HAPLN3: variants seen among roughly 807,000 people sequenced by gnomAD.
The protein encoded by HAPLN3 is hyaluronan and proteoglycan link protein 3.
A neutral mutation model predicts 28.1 loss-of-function variants in HAPLN3; 28 were observed. That is an observed-to-expected ratio of 1.00 (90% CI 0.74 to 1.37). The LOEUF is 1.37. HAPLN3 is among the 40% of genes most tolerant of loss of function. The pLI is 0.00. For missense variants in HAPLN3, 513 were observed against 504.6 expected, an observed-to-expected ratio of 1.02 and a Z score of -0.16; for synonymous variants, 211 against 213.1, an observed-to-expected ratio of 0.99 and a Z score of 0.09.
rs1596161454 is a variant in HAPLN3, at chr15:88,877,513, T to G, written c.*457A>C. 1 of 154,952 alleles carries G rather than the reference T, an allele frequency of 6.5e-6. No homozygotes were observed. The highest frequency in any genetic ancestry group is 1.4e-5 in the Non-Finnish European group (1 of 70,038). 9.6% of individuals were successfully genotyped at this position (154,952 alleles called of 1,614,324 possible). A position where few individuals can be genotyped will look rare whatever the true frequency, so the allele number is the denominator to read the frequency against. On this transcript the variant is annotated 3_prime_UTR_variant, in exon 5 of 5. Transcript: ENST00000359595. The surrounding 1 kb of genome is among the most constrained non-coding windows in gnomAD (Gnocchi z 5.1). ...TAGCCCCTCAGTGGGCAGACTGGGG[T>G]CAGCGGCTTCACAGAGAAGTAGAGG...
chr15:88,887,877 C>T (rs1038123855), intron 1 of HAPLN3, among the ~76,000 whole-genome samples: 8 of 151,874 alleles, frequency 5.3e-5, no homozygotes, highest in African/African-American at 1.2e-4. Context: ...GCAGGAGAAT[C>T]GCTTGAACCC....
At position 88,881,495 on chromosome 15, in the gene HAPLN3, C is replaced by G; in HGVS notation, c.355G>C (p.Val119Leu). Residue 119 changes from valine to leucine, a missense_variant, in exon 3 of 5, where the codon GTG becomes CTG. Val to Leu is a conservative substitution (Grantham distance 32). Coordinates refer to ENST00000359595, the MANE Select transcript of HAPLN3 (RefSeq NM_178232.4). This position sits in a 1 kb window ranked among gnomAD's most constrained non-coding sequence, Gnocchi z 6.0. ...HRSFGDYQGR[V>L]HLRQDKEHDV... ...TGCTCTTTGTCCTGCCGCAGGTGCA[C>G]GCGGCCTTGGTAGTCCCCAAAGGAG... The G allele has an allele frequency of 6.2e-7, 1 of 1,614,098 alleles. No homozygotes were observed. The highest frequency in any genetic ancestry group is 8.5e-7 in the Non-Finnish European group (1 of 1,180,046).
intron 1 of HAPLN3, among the ~76,000 whole-genome samples, chr15:88,889,322 C>A (rs563549629): frequency 1.3e-5 from 2 of 151,818 alleles, no homozygotes; most frequent in African/African-American, 4.8e-5. Flanking sequence ...GGGTGTCAGG[C>A]CCAGAAGCAT....
rs556487389 is a variant in HAPLN3, at chr15:88,878,345, C to T, written c.797-89G>A. 227 of 1,243,244 alleles carry T rather than the reference C, an allele frequency of 1.8e-4. 2 individuals carry two copies. In the Middle Eastern group the frequency reaches 2.0e-3, roughly 11 times the overall value. 77.0% of individuals were successfully genotyped at this position (1,243,244 alleles called of 1,614,324 possible). ...TGCAGAGATGCCAGCCCCAAAGACC[C>T]GTCTGAGCCCAGGGAGCTACCATAC... On this transcript the variant is annotated intron_variant, in intron 4 of 4. Coordinates refer to ENST00000359595, the MANE Select transcript of HAPLN3 (RefSeq NM_178232.4).
At chr15:88,894,379 G>GC (rs753690535) in intron 1 of HAPLN3, among the ~76,000 whole-genome samples, 18 of 152,074 alleles carry the variant, frequency 1.2e-4, no homozygotes. Context: ...GAGGGTAGGT[G>GC]CCACCTCCCT....
chr15:88,893,096 T>C, intron 1 of HAPLN3: 1 of 843,964 alleles, frequency 1.2e-6, no homozygotes, highest in Non-Finnish European at 1.9e-6. Flanking sequence ...CACCTCTCTG[T>C]GCCTCCATTT....
rs772959535 is a variant in HAPLN3 at position 88,878,272 on chromosome 15, C to A, written c.797-16G>T. 6.2e-7 allele frequency: 1 copy of A among 1,601,418 alleles called. No homozygotes were observed. The highest frequency in any genetic ancestry group is 8.5e-7 in the Non-Finnish European group (1 of 1,173,434). ...TACACCCGCCCTGGGGGAAAGGGGG[C>A]GTGAGTGCCGTACAGCGCAGGGGGC... On this transcript the variant is annotated splice_polypyrimidine_tract_variant and intron_variant, in intron 4 of 4. Coordinates refer to ENST00000359595, the MANE Select transcript of HAPLN3 (RefSeq NM_178232.4).
In HAPLN3 at chr15:88,879,443, TG is replaced by T; in HGVS notation, c.494-175del. ...CTCCTGTCCGTTGCCGCCTCTCTCC[TG>T]GGACTCAGCTGGTTCACAGCAGTAC... On this transcript the variant is annotated intron_variant, in intron 3 of 4. Coordinates refer to ENST00000359595, the MANE Select transcript of HAPLN3 (RefSeq NM_178232.4). The surrounding 1 kb of genome is among the most constrained non-coding windows in gnomAD (Gnocchi z 5.0). The T allele has an allele frequency of 6.5e-7, 1 of 1,534,226 alleles. No homozygotes were observed. Among genetic ancestry groups the T allele is most frequent in the Non-Finnish European group, 8.7e-7 (1 of 1,146,460 alleles).
chr15:88,883,554 T>C (rs149276032), intron 2 of HAPLN3, among the ~76,000 whole-genome samples: 1,534 of 152,392 alleles, frequency 0.01, 17 homozygotes, highest in South Asian at 0.038. Context: ...ACTTCCTTGG[T>C]TCTTCCCAAC....
rs1000681585 is a variant in HAPLN3, at chr15:88,881,941, G to T, written c.125-216C>A. Among the ~76,000 whole-genome samples the T allele has an allele frequency of 6.6e-6, 1 of 152,090 alleles. No homozygotes were observed. The highest frequency in any genetic ancestry group is 1.5e-5 in the Non-Finnish European group (1 of 68,016). ...TATTCCCCCACCCCCTTGAATCTGT[G>T]CTGGCCTTGCCACTTGCTTGACCAA... On this transcript the variant is annotated intron_variant, in intron 2 of 4. Transcript: ENST00000359595. This position sits in a 1 kb window ranked among gnomAD's most constrained non-coding sequence, Gnocchi z 6.0.
chr15:88,891,040 G>C (rs1897998184), intron 1 of HAPLN3, among the ~76,000 whole-genome samples: 1 of 152,034 alleles, frequency 6.6e-6, no homozygotes, highest in South Asian at 2.1e-4. Context: ...ACCACACCAG[G>C]CTAATTTTTG....
rs753762574 is a variant in HAPLN3, at chr15:88,880,756, T to C, written c.493+601A>G. The C allele has an allele frequency of 3.1e-6, 1 of 326,358 alleles. No individual in the cohort carries two copies. Among genetic ancestry groups the C allele is most frequent in the Non-Finnish European group, 5.6e-6 (1 of 177,532 alleles). The allele number at this position is 326,358 out of a possible 1,614,324, so 20.2% of individuals were successfully genotyped here. On this transcript the variant is annotated intron_variant, in intron 3 of 4. Coordinates refer to ENST00000359595, the MANE Select transcript of HAPLN3 (RefSeq NM_178232.4). This position sits in a 1 kb window ranked among gnomAD's most constrained non-coding sequence, Gnocchi z 6.0. ...GCTTTTTGTTTGTTTTTTGTTTTGTTTTGTTTTTAAAAAGGAGGTTTTTAC... is the reference window on the plus strand; with the variant it reads ...GCTTTTTGTTTGTTTTTTGTTTTGTCTTGTTTTTAAAAAGGAGGTTTTTAC...
rs965742923 is a variant in HAPLN3, at chr15:88,879,172, G to C, written c.591C>G (p.Ser197=). 3 of 1,613,856 alleles carry C rather than the reference G, an allele frequency of 1.9e-6. No individual in the cohort carries two copies. The highest frequency in any genetic ancestry group is 2.2e-5 in the South Asian group (2 of 91,076). Residue 197 remains serine (S), a synonymous_variant, in exon 4 of 5, where the codon TCC becomes TCG. Transcript: ENST00000359595. This position sits in a 1 kb window ranked among gnomAD's most constrained non-coding sequence, Gnocchi z 5.0. ...VCAEQAAVVA[S]FEQLFRAWEE... is the part of the protein sequence containing the mutation. ...CCCAGGCCCGGAAGAGCTGCTCAAA[G>C]GAGGCCACCACCGCAGCCTGCTCTG... is the stretch of plus-strand genomic sequence containing the variant.
intron 1 of HAPLN3, among the ~76,000 whole-genome samples, chr15:88,887,776 C>T (rs1161108537): frequency 6.6e-6 from 1 of 151,990 alleles, no homozygotes; most frequent in African/African-American, 2.4e-5. Context: ...CCAGCCTGGC[C>T]AACATGGAGA....
rs781000203 is a variant in HAPLN3, at chr15:88,879,003, G to A, written c.760C>T (p.Arg254Cys). 1.4e-5 allele frequency: 23 copies of A among 1,610,426 alleles called. No individual in the cohort carries two copies. Among genetic ancestry groups the A allele is most frequent in the South Asian group, 9.9e-5 (9 of 90,574 alleles). The change falls in exon 4 of 5, where the codon CGC becomes TGC. Residue 254 changes from arginine to cysteine, a missense_variant. Coordinates refer to ENST00000359595, the MANE Select transcript of HAPLN3 (RefSeq NM_178232.4). The surrounding 1 kb of genome is among the most constrained non-coding windows in gnomAD (Gnocchi z 5.0). The part of the protein sequence containing the change: ...SYGPRHRRLH[R>C]YDVFCFATAL... ...GTAGCGAAGCAGAATACATCATAGCGGTGCAGGCGGCGGTGGCGGGGGCCG... is the reference window on the plus strand; with the variant it reads ...GTAGCGAAGCAGAATACATCATAGCAGTGCAGGCGGCGGTGGCGGGGGCCG...
chr15:88,887,265 G>T lies in HAPLN3; in HGVS notation c.34C>A (p.Leu12Met), dbSNP rs763692640. Residue 12 changes from leucine (L) to methionine (M), a missense_variant, in exon 2 of 5, where the codon CTG becomes ATG. Coordinates refer to ENST00000359595, the MANE Select transcript of HAPLN3 (RefSeq NM_178232.4). ...AAGGGCAGTCCGTAGGAGCCGGGCAGCAGGAGCAACGGGACCAGGAGCAAC... is the reference window on the plus strand; with the variant it reads ...AAGGGCAGTCCGTAGGAGCCGGGCATCAGGAGCAACGGGACCAGGAGCAAC... ...GLLLLVPLLL[L>M]PGSYGLPFYN... 1.2e-6 allele frequency: 2 copies of T among 1,614,058 alleles called. No individual in the cohort carries two copies. The highest frequency in any genetic ancestry group is 2.7e-5 in the African/African-American group (2 of 74,936).
In HAPLN3 at chr15:88,879,014, C is replaced by G; in HGVS notation, c.749G>C (p.Arg250Pro). ...GAATACATCATAGCGGTGCAGGCGG[C>G]GGTGGCGGGGGCCGTAGCTTCGCAC... Reference protein sequence around the residue: ...PGVRSYGPRHRRLHRYDVFCF... With the variant: ...PGVRSYGPRHPRLHRYDVFCF... The change falls in exon 4 of 5, where the codon CGC becomes CCC. Residue 250 changes from arginine to proline, a missense_variant. Arg to Pro is a moderately radical substitution (Grantham distance 103). Coordinates refer to ENST00000359595, the MANE Select transcript of HAPLN3 (RefSeq NM_178232.4). The surrounding 1 kb of genome is among the most constrained non-coding windows in gnomAD (Gnocchi z 5.0). 1 of 1,609,678 alleles carries G rather than the reference C, an allele frequency of 6.2e-7. No homozygotes were observed. The highest frequency in any genetic ancestry group is 8.5e-7 in the Non-Finnish European group (1 of 1,178,576).
intron 1 of HAPLN3, among the ~76,000 whole-genome samples, chr15:88,887,562 G>C (rs1180902954): frequency 6.6e-6 from 1 of 152,176 alleles, no homozygotes; most frequent in East Asian, 1.9e-4. Flanking sequence ...CAAGACGGGA[G>C]ATCAGCAAAG....
At chr15:88,894,705 C>A (rs1199812251) in intron 1 of HAPLN3, among the ~76,000 whole-genome samples, 4 of 152,228 alleles carry the variant, frequency 2.6e-5, no homozygotes, top group Admixed American at 6.5e-5. Context: ...AAGGTCCCAA[C>A]AGGTTTACAG....
Sources: allele counts gnomAD v4.1 joint callset (sites outside exome capture counted in the v4.1 genomes callset), GRCh38; gene constraint gnomAD v4.1.1; non-coding constraint Gnocchi (gnomAD v3.1); transcripts MANE v1.5; gene names NCBI Gene and HGNC (gene_info 2026-07-23, HGNC 2026-07-21).